The following KCNK2 variants were observed in gnomAD, a reference collection of about 807,000 sequenced individuals.
The protein encoded by KCNK2 is potassium two pore domain channel subfamily K member 2.
A neutral mutation model predicts 40.5 loss-of-function variants in KCNK2; 21 were observed. The observed-to-expected ratio is 0.52, with a 90% CI of 0.37 to 0.75. The LOEUF is 0.75. Among genes scored for constraint, KCNK2 ranks in the 30% least tolerant of loss-of-function variants. KCNK2 has a pLI of 0.00. For missense variants in KCNK2, 399 were observed against 531.6 expected (o/e 0.75, Z 2.45); for synonymous variants, 191 against 202.2 (o/e 0.94, Z 0.47).
chr1:215,110,357 A>G (rs1660627086), intron 2 of KCNK2, among the ~76,000 whole-genome samples: 1 of 152,092 alleles, frequency 6.6e-6, no homozygotes. Flanking sequence ...TCTTATGTTT[A>G]AGTCTTTAAC....
At chr1:215,144,370 T>C (rs1193334380) in intron 3 of KCNK2, among the ~76,000 whole-genome samples, 1 of 152,140 alleles carries the variant, frequency 6.6e-6, no homozygotes, top group African/African-American at 2.4e-5. Flanking sequence ...CTGTCATCAC[T>C]CAGATTCAGG....
intron 2 of KCNK2, among the ~76,000 whole-genome samples, chr1:215,108,333 T>C (rs1660529332): frequency 6.6e-6 from 1 of 152,104 alleles, no homozygotes; most frequent in African/African-American, 2.4e-5. Flanking sequence ...ACCATATCAT[T>C]TTATATAAGG....
At chr1:215,185,722 G>A (rs1664407420) in intron 5 of KCNK2, among the ~76,000 whole-genome samples, 1 of 152,094 alleles carries the variant, frequency 6.6e-6, no homozygotes, top group Non-Finnish European at 1.5e-5. Flanking sequence ...GCTCTAACTT[G>A]AACCTCCTCA....
chr1:215,112,173 G>A (rs1386280401), intron 2 of KCNK2, among the ~76,000 whole-genome samples: 1 of 152,004 alleles, frequency 6.6e-6, no homozygotes, highest in Non-Finnish European at 1.5e-5. Context: ...CTTTTGGAAA[G>A]TCTGCTTGCT....
intron 3 of KCNK2, among the ~76,000 whole-genome samples, chr1:215,156,745 A>G (rs1364544293): frequency 1.3e-5 from 2 of 152,136 alleles, no homozygotes; most frequent in African/African-American, 2.4e-5. Flanking sequence ...GGACACAAGC[A>G]TGTCTTACCA....
intron 3 of KCNK2, among the ~76,000 whole-genome samples, chr1:215,160,899 G>A (rs1029611088): frequency 6.6e-6 from 1 of 151,900 alleles, no homozygotes; most frequent in Non-Finnish European, 1.5e-5. Context: ...TTATTCCTCT[G>A]GGCATATCAA....
chr1:215,200,032 G>C (rs1665019118), intron 6 of KCNK2, among the ~76,000 whole-genome samples: 1 of 152,144 alleles, frequency 6.6e-6, no homozygotes, highest in Admixed American at 6.5e-5. Flanking sequence ...TGTCAGGCTG[G>C]GTGGCACCAC....
intron 3 of KCNK2, among the ~76,000 whole-genome samples, chr1:215,146,201 G>C (rs954911594): frequency 1.1e-4 from 17 of 152,094 alleles, no homozygotes; most frequent in African/African-American, 4.1e-4. Flanking sequence ...GGAAAGTTTG[G>C]AAACAATCTA....
chr1:215,051,623 A>G (rs1212682569), intron 1 of KCNK2, among the ~76,000 whole-genome samples: 2 of 152,188 alleles, frequency 1.3e-5, no homozygotes, highest in Non-Finnish European at 1.5e-5. Context: ...CCTGGAGGAC[A>G]TGAAAGAGTG....
rs1666875575 is a variant in KCNK2 at position 215,236,077 on chromosome 1, T to TATCTATCTATCTATCTATC, written c.*933_*951dup. On this transcript the variant is annotated 3_prime_UTR_variant, in exon 7 of 7. Coordinates refer to ENST00000444842, the MANE Select transcript of KCNK2 (RefSeq NM_001017425.3). ...CTATCTATCTATCTATCTATCTATC[T>TATCTATCTATCTATCTATC]ATCTATCTATCTATCTATCTAAATG... 1 of 151,082 alleles carries TATCTATCTATCTATCTATC rather than the reference T, an allele frequency of 6.6e-6. No homozygotes were observed. Among genetic ancestry groups the TATCTATCTATCTATCTATC allele is most frequent in the Non-Finnish European group, 1.5e-5 (1 of 68,014 alleles). 9.4% of individuals were successfully genotyped at this position (151,082 alleles called of 1,614,324 possible).
chr1:215,135,714 C>A (rs1661874574), intron 3 of KCNK2, among the ~76,000 whole-genome samples: 1 of 151,600 alleles, frequency 6.6e-6, no homozygotes, highest in African/African-American at 2.4e-5. Context: ...AATGGCCAAC[C>A]AGTTATTTTT....
intron 1 of KCNK2, among the ~76,000 whole-genome samples, chr1:215,051,005 T>C (rs913751020): frequency 6.6e-6 from 1 of 152,184 alleles, no homozygotes; most frequent in African/African-American, 2.4e-5. Flanking sequence ...GTGGTTTTGA[T>C]CTTGATTCAG....
intron 1 of KCNK2, among the ~76,000 whole-genome samples, chr1:215,046,681 C>T (rs534614601): frequency 8.5e-5 from 13 of 152,078 alleles, no homozygotes; most frequent in African/African-American, 3.1e-4. Context: ...ATGTCTTCCT[C>T]TTATGTAAAA....
At chr1:215,073,744 A>G (rs1224724721) in intron 1 of KCNK2, among the ~76,000 whole-genome samples, 8 of 152,192 alleles carry the variant, frequency 5.3e-5, no homozygotes, top group Non-Finnish European at 1.2e-4. Context: ...TTTGAGAATA[A>G]CAACAGTGTT....
At chr1:215,046,314 A>T (rs1029196838) in intron 1 of KCNK2, among the ~76,000 whole-genome samples, 1 of 152,174 alleles carries the variant, frequency 6.6e-6, no homozygotes, top group Non-Finnish European at 1.5e-5. Context: ...GAATATATAC[A>T]TATACACAAA....
Position 215,086,256 on chromosome 1 carries a change from A to G in KCNK2, c.47-112A>G, listed in dbSNP as rs536812518. Reference sequence around the variant, plus strand: ...TCCTGGTTTGGGTTCCAGAGCTTCCACTAGGAGAGCGAGCGGAATTCAATC... The same window carrying G: ...TCCTGGTTTGGGTTCCAGAGCTTCCGCTAGGAGAGCGAGCGGAATTCAATC... On this transcript the variant is annotated intron_variant, in intron 1 of 6. Transcript: ENST00000444842. The G allele has an allele frequency of 1.2e-5, 10 of 845,868 alleles. No individual in the cohort carries two copies. The South Asian group carries it at 1.7e-4, about 15-fold the overall frequency. The allele number at this position is 845,868 out of a possible 1,614,324, so 52.4% of individuals were successfully genotyped here.
intron 6 of KCNK2, among the ~76,000 whole-genome samples, chr1:215,223,362 T>A (rs1666262172): frequency 6.6e-6 from 1 of 151,802 alleles, no homozygotes. Flanking sequence ...CCTTATCTAG[T>A]GATGATTCTG....
chr1:215,150,027 A>G (rs1274393742), intron 3 of KCNK2, among the ~76,000 whole-genome samples: 2 of 152,194 alleles, frequency 1.3e-5, no homozygotes, highest in African/African-American at 2.4e-5. Flanking sequence ...CCCTGACCTT[A>G]CGGAACTTCT....
chr1:215,068,411 A>G (rs1658634094), intron 1 of KCNK2, among the ~76,000 whole-genome samples: 1 of 152,200 alleles, frequency 6.6e-6, no homozygotes, highest in Non-Finnish European at 1.5e-5. Context: ...ACTACAGTTA[A>G]TTACCAAGAA....
Sources: gnomAD v4.1 joint callset for allele counts (sites outside exome capture counted in the v4.1 genomes callset) on GRCh38, gnomAD v4.1.1 for gene constraint, MANE v1.5 for transcripts, NCBI Gene and HGNC (gene_info 2026-07-23, HGNC 2026-07-21) for gene names.